The following FLVCR2 variants were observed in gnomAD, a reference collection of about 807,000 sequenced individuals.
FLVCR2 encodes FLVCR choline and putative heme transporter 2, also known as choline/ethanolamine transporter FLVCR2.
A neutral mutation model predicts 48.9 loss-of-function variants in FLVCR2; 38 were observed. The observed-to-expected ratio is 0.78, with a 90% CI of 0.60 to 1.02. The LOEUF is 1.02. Ranked by LOEUF, FLVCR2 falls within the 50% of genes least tolerant of loss-of-function variation. FLVCR2 has a pLI of 0.00. For missense variants in FLVCR2, 664 were observed against 663.3 expected (o/e 1.00, Z -0.01); for synonymous variants, 255 against 257.0 (o/e 0.99, Z 0.07).
rs1264837879 is a variant in FLVCR2 at position 75,647,291 on chromosome 14, TCA to T, written c.*822_*823del. ...GTACTTCCCCAGGGACTTCTGTGTG[TCA>T]CAGTCACCTCTGATGCCTTTATCTT... On this transcript the variant is annotated 3_prime_UTR_variant, in exon 10 of 10. Transcript: ENST00000238667. 6.6e-6 allele frequency: 1 copy of T among 152,302 alleles called. No individual in the cohort carries two copies. Among genetic ancestry groups the T allele is most frequent in the African/African-American group, 2.4e-5 (1 of 41,448 alleles). 9.4% of individuals were successfully genotyped at this position (152,302 alleles called of 1,614,324 possible).
intron 1 of FLVCR2, among the ~76,000 whole-genome samples, chr14:75,594,644 AAG>A (rs1489864080): frequency 2.6e-5 from 4 of 152,248 alleles, no homozygotes; most frequent in African/African-American, 9.6e-5. Flanking sequence ...CAGAAAGAAT[AAG>A]AGAGGACAAA....
chr14:75,586,757 A>G (rs1041115619), intron 1 of FLVCR2, among the ~76,000 whole-genome samples: 16 of 151,952 alleles, frequency 1.1e-4, no homozygotes, highest in Non-Finnish European at 2.4e-4. Context: ...CCACGGGAGC[A>G]TTACCTTCTG....
intron 1 of FLVCR2, chr14:75,605,613 G>T (rs531958124): frequency 2.0e-6 from 3 of 1,535,986 alleles, no homozygotes; most frequent in Non-Finnish European, 2.6e-6. Context: ...TTGTAGAAGC[G>T]TGAGACAGGA....
At chr14:75,641,431 C>A (rs1890306714) in intron 8 of FLVCR2, 138 bp downstream of exon 8, 1 of 711,242 alleles carries the variant, frequency 1.4e-6, no homozygotes, top group Non-Finnish European at 2.5e-6. Context: ...TGGGAGGCAG[C>A]ACATTGTTTT....
chr14:75,586,505 G>C (rs1250256670), intron 1 of FLVCR2, among the ~76,000 whole-genome samples: 1 of 152,184 alleles, frequency 6.6e-6, no homozygotes, highest in South Asian at 2.1e-4. Flanking sequence ...ACAAATCCCA[G>C]TTCTTCTCAT....
intron 1 of FLVCR2, among the ~76,000 whole-genome samples, chr14:75,596,903 G>T (rs1370985145): frequency 2.0e-5 from 3 of 149,434 alleles, no homozygotes; most frequent in Non-Finnish European, 4.4e-5. Context: ...GCTGGCTTAT[G>T]AAATCTGTTT....
At chr14:75,592,634 T>G (rs1159549812) in intron 1 of FLVCR2, among the ~76,000 whole-genome samples, 1 of 152,178 alleles carries the variant, frequency 6.6e-6, no homozygotes, top group Non-Finnish European at 1.5e-5. Flanking sequence ...GGTCACTCCT[T>G]TGCTGTGTTT....
intron 1 of FLVCR2, among the ~76,000 whole-genome samples, chr14:75,585,006 G>T (rs925185286): frequency 6.6e-6 from 1 of 152,200 alleles, no homozygotes; most frequent in African/African-American, 2.4e-5. Flanking sequence ...CAGACAGTGT[G>T]TGAGGAGGGG....
At chr14:75,601,343 T>C (rs1049775224) in intron 1 of FLVCR2, among the ~76,000 whole-genome samples, 1 of 152,372 alleles carries the variant, frequency 6.6e-6, no homozygotes, top group East Asian at 1.9e-4. Context: ...AGGGCCATTA[T>C]GGACATATCA....
chr14:75,584,551 C>T lies in FLVCR2; in HGVS notation c.669+4910C>T, dbSNP rs187181925. Reference sequence around the variant, plus strand: ...CTAAGTTTGTCATAATTAACAGCTTCGTAAGCTGCCTTTTTAAGCCCTTCA... The same window carrying T: ...CTAAGTTTGTCATAATTAACAGCTTTGTAAGCTGCCTTTTTAAGCCCTTCA... On this transcript the variant is annotated intron_variant, in intron 1 of 9. Coordinates refer to ENST00000238667, the MANE Select transcript of FLVCR2 (RefSeq NM_017791.3). Among the ~76,000 whole-genome samples the T allele has an allele frequency of 1.2e-3, 182 of 152,318 alleles. 1 individual carries two copies. The highest frequency in any genetic ancestry group is 4.2e-3 in the African/African-American group (173 of 41,562).
At chr14:75,627,790 C>T (rs1242752882) in intron 3 of FLVCR2, among the ~76,000 whole-genome samples, 1 of 152,134 alleles carries the variant, frequency 6.6e-6, no homozygotes, top group Non-Finnish European at 1.5e-5. Flanking sequence ...AAGAGGCTGC[C>T]TGAAAATGCT....
At chr14:75,643,820 C>A (rs1394819998) in intron 9 of FLVCR2, among the ~76,000 whole-genome samples, 1 of 152,154 alleles carries the variant, frequency 6.6e-6, no homozygotes, top group Non-Finnish European at 1.5e-5. Flanking sequence ...ATGGCTCATG[C>A]CTGTAATCCC....
intron 1 of FLVCR2, among the ~76,000 whole-genome samples, chr14:75,616,305 G>T (rs1416324356): frequency 1.3e-5 from 2 of 150,878 alleles, no homozygotes; most frequent in African/African-American, 2.4e-5. Flanking sequence ...CCAGCCTGGC[G>T]ACAGAGTGAG....
intron 1 of FLVCR2, among the ~76,000 whole-genome samples, chr14:75,580,984 C>T (rs543570194): frequency 3.8e-4 from 58 of 152,120 alleles, no homozygotes; most frequent in African/African-American, 1.0e-3. Flanking sequence ...AGTGTTGGAG[C>T]AGCGAAAAAT....
intron 5 of FLVCR2, among the ~76,000 whole-genome samples, chr14:75,635,293 G>T (rs567917577): frequency 6.6e-6 from 1 of 152,118 alleles, no homozygotes; most frequent in East Asian, 1.9e-4. Context: ...CTTTGTGAAA[G>T]CAGCAGAGGA....
chr14:75,586,973 G>C (rs913910668), intron 1 of FLVCR2, among the ~76,000 whole-genome samples: 1 of 152,048 alleles, frequency 6.6e-6, no homozygotes, highest in South Asian at 2.1e-4. Context: ...TAGAGGATTT[G>C]TTTTCAGCTA....
chr14:75,605,763 C>A, intron 1 of FLVCR2: 1 of 819,646 alleles, frequency 1.2e-6, no homozygotes, highest in Non-Finnish European at 2.0e-6. Context: ...TTTTTCAGTT[C>A]CAGGAGGCTG....
chr14:75,600,798 G>A (rs1566786125), intron 1 of FLVCR2, among the ~76,000 whole-genome samples: 1 of 151,848 alleles, frequency 6.6e-6, no homozygotes, highest in Non-Finnish European at 1.5e-5. Context: ...CCATATTTGG[G>A]AGAAAATATT....
chr14:75,613,447 C>T (rs1889512711), intron 1 of FLVCR2, among the ~76,000 whole-genome samples: 1 of 152,238 alleles, frequency 6.6e-6, no homozygotes, highest in Non-Finnish European at 1.5e-5. Flanking sequence ...ATGATGATGG[C>T]ACTAAACCAT....
Sources: gnomAD v4.1 joint callset for allele counts (sites outside exome capture counted in the v4.1 genomes callset) on GRCh38, gnomAD v4.1.1 for gene constraint, MANE v1.5 for transcripts, NCBI Gene and HGNC (gene_info 2026-07-23, HGNC 2026-07-21) for gene names.